Variants in PSORS1C1 observed in about 807,000 individuals in gnomAD.
The protein encoded by PSORS1C1 is psoriasis susceptibility 1 candidate gene 1 protein.
In PSORS1C1, 7 loss-of-function variants were observed where a neutral mutation model predicts 9.4. The observed-to-expected ratio is 0.75, with a 90% CI of 0.42 to 1.40. The LOEUF is 1.40. PSORS1C1 is among the 40% of genes most tolerant of loss of function. PSORS1C1 has a pLI of 0.01. For synonymous variants in PSORS1C1, 63 were observed against 69.4 expected (o/e 0.91, Z 0.46); for missense variants, 146 against 178.1 (o/e 0.82, Z 1.02).
At chr6:31,129,142 A>G (rs1276431340) in intron 2 of PSORS1C1, among the ~76,000 whole-genome samples, 3 of 152,136 alleles carry the variant, frequency 2.0e-5, no homozygotes, top group Non-Finnish European at 4.4e-5. Flanking sequence ...AGCTTGTATA[A>G]TTAGATTTTA....
Position 31,116,310 on chromosome 6 carries a change from G to A in PSORS1C1, c.-229+1419G>A, listed in dbSNP as rs1299674367. On this transcript the variant is annotated intron_variant, in intron 1 of 5. Coordinates refer to ENST00000259881, the MANE Select transcript of PSORS1C1 (RefSeq NM_014068.3). ...TGATTTTGCCACTGGATTGGGAACT[G>A]GAGCTGCTGCTGAAGGAGCCGGTGC... 4 of 1,613,860 alleles carry A rather than the reference G, an allele frequency of 2.5e-6. No individual in the cohort carries two copies. In the Admixed American group the frequency reaches 6.7e-5, roughly 27 times the overall value.
chr6:31,132,644 G>A (rs1457000186), intron 3 of PSORS1C1, among the ~76,000 whole-genome samples: 1 of 152,154 alleles, frequency 6.6e-6, no homozygotes, highest in East Asian at 1.9e-4. Context: ...GAGTCCAGGA[G>A]TTCCAGACCA....
At chr6:31,135,997 G>C (rs1211288574) in intron 3 of PSORS1C1, among the ~76,000 whole-genome samples, 1 of 152,164 alleles carries the variant, frequency 6.6e-6, no homozygotes, top group Admixed American at 6.5e-5. Context: ...GAAGCTATAC[G>C]AGCCATGATC....
At chr6:31,116,854 A>G in intron 1 of PSORS1C1, 5 of 1,614,036 alleles carry the variant, frequency 3.1e-6, no homozygotes, top group Non-Finnish European at 4.2e-6. Flanking sequence ...CACCACCACC[A>G]CCACAGGCCT....
chr6:31,140,070 G>A lies in PSORS1C1; in HGVS notation c.*138G>A. The stretch of plus-strand genomic sequence containing the variant: ...TCCCTGCCTGGTCCGCTACCCCACA[G>A]TAAGGAACACCTTATTATGCAATGG... On this transcript the variant is annotated 3_prime_UTR_variant, in exon 6 of 6. Transcript: ENST00000259881. The surrounding 1 kb of genome is among the most constrained non-coding windows in gnomAD (Gnocchi z 4.6). 1 of 772,498 alleles carries A rather than the reference G, an allele frequency of 1.3e-6. No individual in the cohort carries two copies. Among genetic ancestry groups the A allele is most frequent in the Non-Finnish European group, 2.1e-6 (1 of 465,228 alleles). The allele number at this position is 772,498 out of a possible 1,614,324, so 47.9% of individuals were successfully genotyped here.
At chr6:31,135,638 T>C (rs907273464) in intron 3 of PSORS1C1, among the ~76,000 whole-genome samples, 1 of 152,192 alleles carries the variant, frequency 6.6e-6, no homozygotes, top group Non-Finnish European at 1.5e-5. Context: ...AGCATCCTTT[T>C]AAAAAATACG....
intron 3 of PSORS1C1, among the ~76,000 whole-genome samples, chr6:31,130,555 G>A (rs922119027): frequency 3.3e-5 from 5 of 151,934 alleles, no homozygotes; most frequent in Admixed American, 3.3e-4. Context: ...GGGACTACAG[G>A]CGCCCGCCAC....
intron 3 of PSORS1C1, among the ~76,000 whole-genome samples, chr6:31,132,113 G>A (rs745536420): frequency 6.6e-6 from 1 of 152,172 alleles, no homozygotes; most frequent in African/African-American, 2.4e-5. Flanking sequence ...GGTGGCATGC[G>A]CCTGTGATCC....
At chr6:31,138,963 C>T (rs1773311565) in intron 5 of PSORS1C1, 184 bp downstream of exon 5, 2 of 1,613,790 alleles carry the variant, frequency 1.2e-6, no homozygotes, top group Non-Finnish European at 8.5e-7. Flanking sequence ...GCCTCTGTTC[C>T]CACCTCACCT....
At chr6:31,127,547 C>G (rs564366829) in intron 2 of PSORS1C1, among the ~76,000 whole-genome samples, 13 of 91,914 alleles carry the variant, frequency 1.4e-4, no homozygotes, top group Non-Finnish European at 2.9e-4. Context: ...CTCTCAATGA[C>G]CCTAGGAGAC....
At chr6:31,130,512 C>G (rs998732088) in intron 3 of PSORS1C1, among the ~76,000 whole-genome samples, 1 of 151,812 alleles carries the variant, frequency 6.6e-6, no homozygotes, top group Non-Finnish European at 1.5e-5. Flanking sequence ...CCCGGGTTCA[C>G]GCCATTCTCC....
intron 3 of PSORS1C1, chr6:31,133,834 G>A (rs535494103): frequency 6.6e-6 from 1 of 152,320 alleles, no homozygotes; most frequent in South Asian, 2.1e-4. Flanking sequence ...GAGGAAGTAA[G>A]ATAATGAATG....
intron 3 of PSORS1C1, among the ~76,000 whole-genome samples, chr6:31,135,751 AG>A (rs1272229859): frequency 6.6e-6 from 1 of 152,162 alleles, no homozygotes; most frequent in Admixed American, 6.5e-5. Context: ...AAACATAAAA[AG>A]TTGGTCAGGC....
chr6:31,137,326 G>A (rs1773189901), intron 3 of PSORS1C1, among the ~76,000 whole-genome samples: 2 of 151,612 alleles, frequency 1.3e-5, no homozygotes, highest in Admixed American at 6.6e-5. Context: ...GCGTGGTGGC[G>A]GGCGCCTGTA....
chr6:31,127,931 C>A (rs574734508), intron 2 of PSORS1C1, among the ~76,000 whole-genome samples: 21 of 152,370 alleles, frequency 1.4e-4, no homozygotes, highest in African/African-American at 4.6e-4. Flanking sequence ...TTGTAAGCAT[C>A]TGTGTATCTC....
At chr6:31,120,233 CAAA>C (rs1772379583) in intron 1 of PSORS1C1, 1 of 936,998 alleles carries the variant, frequency 1.1e-6, no homozygotes, top group South Asian at 1.4e-5. Flanking sequence ...CCCCCAGACT[CAAA>C]AGGCAGATTC....
intron 1 of PSORS1C1, chr6:31,120,497 G>A: frequency 7.9e-7 from 1 of 1,258,182 alleles, no homozygotes. Flanking sequence ...ACATTCCCTG[G>A]GCAGGAGTCA....
At chr6:31,117,567 G>GCCTC in intron 1 of PSORS1C1, 1 of 1,523,208 alleles carries the variant, frequency 6.6e-7, no homozygotes, top group Non-Finnish European at 8.9e-7. Context: ...GGCCAAGGAG[G>GCCTC]CTTGGCTTCC....
intron 2 of PSORS1C1, among the ~76,000 whole-genome samples, chr6:31,129,214 A>G (rs1766050308): frequency 6.6e-6 from 1 of 152,036 alleles, no homozygotes; most frequent in Admixed American, 6.6e-5. Context: ...ACTATCTGTC[A>G]TGTCCAAGGT....
Sources: gnomAD v4.1 joint callset for allele counts (sites outside exome capture counted in the v4.1 genomes callset) on GRCh38, gnomAD v4.1.1 for gene constraint, Gnocchi (gnomAD v3.1) non-coding constraint, MANE v1.5 for transcripts, NCBI Gene and HGNC (gene_info 2026-07-23, HGNC 2026-07-21) for gene names.